The following COQ8A variants were observed in gnomAD, a reference collection of about 807,000 sequenced individuals.
COQ8A encodes the protein coenzyme Q8A.
In COQ8A, 51 loss-of-function variants were observed where a neutral mutation model predicts 65.0. The observed-to-expected ratio is 0.78, with a 90% CI of 0.63 to 0.99. The LOEUF is 0.99. Among genes scored for constraint, COQ8A ranks in the 50% least tolerant of loss-of-function variants. The probability of loss-of-function intolerance (pLI) is 0.00; values close to 1 mark genes in which losing one functional copy is unlikely to be tolerated. For synonymous variants in COQ8A, 371 were observed against 353.2 expected (o/e 1.05, Z -0.57); for missense variants, 940 against 875.0 (o/e 1.07, Z -0.94).
At chr1:226,964,969 C>T (rs1474470647) in intron 2 of COQ8A, 31 bp from the exon 3 acceptor site, 1 of 1,612,724 alleles carries the variant, frequency 6.2e-7, no homozygotes. Flanking sequence ...CTCGCTCTTG[C>T]TCTCCTAATG....
rs200349511 is a variant in COQ8A, at chr1:226,965,063, T to C, written c.241T>C (p.Phe81Leu). 5.2e-5 allele frequency: 84 copies of C among 1,613,988 alleles called. No individual in the cohort carries two copies. The East Asian group carries it at 1.2e-3, about 24-fold the overall frequency. Residue 81 changes from phenylalanine (F) to leucine (L), a missense_variant, in exon 3 of 15, where the codon TTC becomes CTC. Phe to Leu is a conservative substitution (Grantham distance 22). Transcript: ENST00000366777. ...CGGCGGCCCAGAAGGGGAGTTCCAC[T>C]TCTCAGTCCCGCATGCAGCCGGAGC... is the stretch of plus-strand genomic sequence containing the variant. Reference protein sequence around the residue: ...NFGGPEGEFHFSVPHAAGAST... With the variant: ...NFGGPEGEFHLSVPHAAGAST...
chr1:226,966,321 C>T (rs775815082), intron 4 of COQ8A, among the ~76,000 whole-genome samples: 5 of 152,182 alleles, frequency 3.3e-5, no homozygotes, highest in East Asian at 1.9e-4. Context: ...AGTACACATG[C>T]GCTCTTTTTA....
rs1437280147 is a variant in COQ8A, at chr1:226,987,077, C to G, written c.*340C>G. The G allele has an allele frequency of 2.6e-6, 1 of 378,594 alleles. No homozygotes were observed. The allele number at this position is 378,594 out of a possible 1,614,324, so 23.5% of individuals were successfully genotyped here. A position where few individuals can be genotyped will look rare whatever the true frequency, so the allele number is the denominator to read the frequency against. ...GAGAGTCCTTACTCCCTTCCAATCT[C>G]TGTTCAGTGCAAAACCCAGAAACAT... On this transcript the variant is annotated 3_prime_UTR_variant, in exon 15 of 15. Coordinates refer to ENST00000366777, the MANE Select transcript of COQ8A (RefSeq NM_020247.5).
Position 226,970,653 on chromosome 1 carries a change from T to C in COQ8A, c.655+4916T>C, listed in dbSNP as rs137961090. Among the ~76,000 whole-genome samples the C allele has an allele frequency of 2.6e-3, 400 of 152,358 alleles. 8 individuals carry two copies. Among genetic ancestry groups the C allele is most frequent in the African/African-American group, 8.7e-3 (362 of 41,590 alleles). On this transcript the variant is annotated intron_variant, in intron 4 of 14. Coordinates refer to ENST00000366777, the MANE Select transcript of COQ8A (RefSeq NM_020247.5). ...ACTCTTGAGATTACAGCACGCATCTTGACTTATTACAATATAAAAATAAGT... is the reference window on the plus strand; with the variant it reads ...ACTCTTGAGATTACAGCACGCATCTCGACTTATTACAATATAAAAATAAGT...
Position 226,965,952 on chromosome 1 carries a change from G to A in COQ8A, c.655+215G>A, listed in dbSNP as rs75936420. Reference sequence around the variant, plus strand: ...CCAGCTCTGCCTGGCTCTCCCCTGCGGGTTGGTACAGGGCCGATGCTGTGC... The same window carrying A: ...CCAGCTCTGCCTGGCTCTCCCCTGCAGGTTGGTACAGGGCCGATGCTGTGC... On this transcript the variant is annotated intron_variant, in intron 4 of 14. Coordinates refer to ENST00000366777, the MANE Select transcript of COQ8A (RefSeq NM_020247.5). Among the ~76,000 whole-genome samples the A allele has an allele frequency of 7.7e-3, 1,166 of 152,368 alleles. 5 individuals are homozygous for A. The highest frequency in any genetic ancestry group is 0.013 in the Admixed American group (198 of 15,308).
chr1:226,961,165 G>C (rs180907375), intron 1 of COQ8A, among the ~76,000 whole-genome samples: 2 of 152,158 alleles, frequency 1.3e-5, no homozygotes, highest in East Asian at 3.9e-4. Flanking sequence ...CTGACTCAAC[G>C]GCCTTTATTC....
In COQ8A at chr1:226,986,766, G is replaced by C; in HGVS notation, c.*29G>C. 6.2e-7 allele frequency: 1 copy of C among 1,604,808 alleles called. No individual in the cohort carries two copies. Among genetic ancestry groups the C allele is most frequent in the Non-Finnish European group, 8.5e-7 (1 of 1,178,282 alleles). On this transcript the variant is annotated 3_prime_UTR_variant, in exon 15 of 15. Transcript: ENST00000366777. Reference sequence around the variant, plus strand: ...TGCGGGCCACGCCCAGGCCGGCTCCGCGGGAACTCTCTCCCTCAGACAGGC... The same window carrying C: ...TGCGGGCCACGCCCAGGCCGGCTCCCCGGGAACTCTCTCCCTCAGACAGGC...
intron 1 of COQ8A, among the ~76,000 whole-genome samples, chr1:226,960,861 G>A (rs78574089): frequency 3.3e-5 from 5 of 152,120 alleles, no homozygotes; most frequent in African/African-American, 1.2e-4. Flanking sequence ...AGCAATGGTG[G>A]CTGGGCAGGG....
rs113041399 is a variant in COQ8A at position 226,987,086 on chromosome 1, G to A, written c.*349G>A. 7.4e-3 allele frequency: 2,638 copies of A among 358,432 alleles called. 12 individuals carry two copies. Among genetic ancestry groups the A allele is most frequent in the Middle Eastern group, 0.013 (14 of 1,102 alleles). 22.2% of individuals were successfully genotyped at this position (358,432 alleles called of 1,614,324 possible). ...TACTCCCTTCCAATCTCTGTTCAGT[G>A]CAAAACCCAGAAACATGAACAGATA... On this transcript the variant is annotated 3_prime_UTR_variant, in exon 15 of 15. Transcript: ENST00000366777.
chr1:226,941,882 A>G (rs7519701), intron 1 of COQ8A, among the ~76,000 whole-genome samples: 1 of 152,020 alleles, frequency 6.6e-6, no homozygotes, highest in Non-Finnish European at 1.5e-5. Context: ...ATGTTGAGCA[A>G]CTCAAAGGAA....
In COQ8A at chr1:226,977,334, G is replaced by A. The variant is rs1659298213; in HGVS notation, c.656-115G>A. ...CTTTTCAAAATGCTGGTGTGGCAGC[G>A]AGGGCCCCTGGTGCAAGCGGTGTCT... On this transcript the variant is annotated intron_variant, in intron 4 of 14. Coordinates refer to ENST00000366777, the MANE Select transcript of COQ8A (RefSeq NM_020247.5). 5 of 932,234 alleles carry A rather than the reference G, an allele frequency of 5.4e-6. 1 individual carries two copies. In the South Asian group the frequency reaches 6.1e-5, roughly 11 times the overall value. 57.7% of individuals were successfully genotyped at this position (932,234 alleles called of 1,614,324 possible). A position where few individuals can be genotyped will look rare whatever the true frequency, so the allele number is the denominator to read the frequency against.
intron 1 of COQ8A, among the ~76,000 whole-genome samples, chr1:226,960,742 T>C (rs1314628732): frequency 2.0e-5 from 3 of 151,908 alleles, no homozygotes; most frequent in Non-Finnish European, 2.9e-5. Context: ...TTTGAAAACA[T>C]TGGTTTGGTG....
At chr1:226,984,843 G>C (rs1288340829) in intron 12 of COQ8A, 33 bp from the exon 13 acceptor site, 1 of 1,612,870 alleles carries the variant, frequency 6.2e-7, no homozygotes, top group East Asian at 2.2e-5. Flanking sequence ...TGGAGCACCA[G>C]GGCCAAACTT....
chr1:226,961,067 G>A (rs1242275741), intron 1 of COQ8A, among the ~76,000 whole-genome samples: 8 of 152,138 alleles, frequency 5.3e-5, no homozygotes, highest in African/African-American at 1.7e-4. Context: ...CATGAATCAC[G>A]CCACCTGTCT....
intron 6 of COQ8A, chr1:226,982,396 A>C (rs1659752798): frequency 1.5e-6 from 1 of 645,536 alleles, no homozygotes; most frequent in Non-Finnish European, 2.6e-6. Context: ...TCATTTCAAC[A>C]TTTTACTATG....
At chr1:226,952,542 A>C (rs1167642958) in intron 1 of COQ8A, among the ~76,000 whole-genome samples, 1 of 151,960 alleles carries the variant, frequency 6.6e-6, no homozygotes, top group African/African-American at 2.4e-5. Flanking sequence ...CAGCCTTCTG[A>C]GTAGCTGGGA....
intron 11 of COQ8A, 134 bp from the exon 12 acceptor site, chr1:226,984,414 A>G (rs1276597393): frequency 2.3e-5 from 30 of 1,278,060 alleles, no homozygotes; most frequent in Non-Finnish European, 3.3e-5. Context: ...TCCCTGGCCC[A>G]AGTAACACTG....
chr1:226,944,330 G>A (rs1656867597), intron 1 of COQ8A, among the ~76,000 whole-genome samples: 1 of 152,104 alleles, frequency 6.6e-6, no homozygotes, highest in African/African-American at 2.4e-5. Flanking sequence ...GAGGGTGGAG[G>A]AGAAGCAGAG....
rs1380746408 is a variant in COQ8A at position 226,946,172 on chromosome 1, G to A, written c.-10+5773G>A. 6.6e-6 allele frequency among the ~76,000 whole-genome samples: 1 copy of A among 152,206 alleles called. No homozygotes were observed. Among genetic ancestry groups the A allele is most frequent in the Non-Finnish European group, 1.5e-5 (1 of 68,036 alleles). ...GAAAGAGAGGGCCCCTCCCTCCGGA[G>A]CTTACCTTGCAGTAAGGGAAATGGG... is the stretch of plus-strand genomic sequence containing the variant. On this transcript the variant is annotated intron_variant, in intron 1 of 14. Coordinates refer to ENST00000366777, the MANE Select transcript of COQ8A (RefSeq NM_020247.5). The surrounding 1 kb of genome is among the most constrained non-coding windows in gnomAD (Gnocchi z 5.3).
Sources: gnomAD v4.1 joint callset for allele counts (sites outside exome capture counted in the v4.1 genomes callset) on GRCh38, gnomAD v4.1.1 for gene constraint, Gnocchi (gnomAD v3.1) non-coding constraint, MANE v1.5 for transcripts, NCBI Gene and HGNC (gene_info 2026-07-23, HGNC 2026-07-21) for gene names.